The following COBL variants were observed in gnomAD, a reference collection of about 807,000 sequenced individuals.
COBL encodes cordon-bleu WH2 repeat protein, also known as protein cordon-bleu.
In COBL, 51 loss-of-function variants were observed where a neutral mutation model predicts 98.8. The ratio of observed to expected loss-of-function variants is 0.52; its 90% CI spans 0.41 to 0.65. COBL has a LOEUF of 0.65. COBL is among the 30% of genes least tolerant of loss of function. The probability of loss-of-function intolerance (pLI) is 0.00; values close to 1 mark genes in which losing one functional copy is unlikely to be tolerated. For missense variants in COBL, 1,617 were observed against 1,617.5 expected (o/e 1.00, Z 0.01); for synonymous variants, 634 against 651.7 (o/e 0.97, Z 0.41).
intron 1 of COBL, among the ~76,000 whole-genome samples, chr7:51,257,377 T>C (rs1035756504): frequency 1.3e-5 from 2 of 152,196 alleles, no homozygotes; most frequent in Admixed American, 6.5e-5. Context: ...GCCATTCTTC[T>C]GGTTTGGCTT....
At chr7:51,113,624 T>C (rs1413841309) in intron 6 of COBL, among the ~76,000 whole-genome samples, 1 of 152,212 alleles carries the variant, frequency 6.6e-6, no homozygotes, top group Non-Finnish European at 1.5e-5. Context: ...TAATTATTTC[T>C]ACCAAAACAA....
intron 1 of COBL, among the ~76,000 whole-genome samples, chr7:51,253,388 G>A (rs1168284111): frequency 6.6e-6 from 1 of 152,146 alleles, no homozygotes; most frequent in Non-Finnish European, 1.5e-5. Context: ...TCCTGGGTTT[G>A]TTTTGATGTA....
At position 51,029,280 on chromosome 7, in the gene COBL, C is replaced by T; in HGVS notation, c.1816G>A (p.Asp606Asn). 6.2e-7 allele frequency: 1 copy of T among 1,606,660 alleles called. No individual in the cohort carries two copies. The highest frequency in any genetic ancestry group is 8.5e-7 in the Non-Finnish European group (1 of 1,175,672). Residue 606 changes from aspartate (D) to asparagine (N), a missense_variant, in exon 10 of 13, where the codon GAC (aspartate) becomes AAC (asparagine). By Grantham distance (23) the Asp-to-Asn change is conservative. Transcript: ENST00000265136. ...GCCACACGGATTCCTTTTCCGACGTCATGGGAAGCGGGGTGCAGGGCAGGT... is the reference window on the plus strand; with the variant it reads ...GCCACACGGATTCCTTTTCCGACGTTATGGGAAGCGGGGTGCAGGGCAGGT... ...EVPALHPASH[D>N]VGKGIRVALS...
intron 1 of COBL, among the ~76,000 whole-genome samples, chr7:51,305,990 C>T (rs898228533): frequency 3.9e-5 from 6 of 152,054 alleles, no homozygotes; most frequent in African/African-American, 9.7e-5. Context: ...GAGCTGAGAT[C>T]GCATCACTGC....
chr7:51,261,540 A>C (rs1797718352), intron 1 of COBL, among the ~76,000 whole-genome samples: 1 of 152,232 alleles, frequency 6.6e-6, no homozygotes, highest in Non-Finnish European at 1.5e-5. Context: ...CTAAGAACAC[A>C]GCAGTGTGAT....
At chr7:51,165,172 C>T (rs1264021372) in intron 5 of COBL, among the ~76,000 whole-genome samples, 2 of 151,860 alleles carry the variant, frequency 1.3e-5, no homozygotes, top group Admixed American at 1.3e-4. Flanking sequence ...AAAAAACAGA[C>T]TGGCTGTATG....
chr7:51,074,852 C>T (rs1792906048), intron 7 of COBL, among the ~76,000 whole-genome samples: 1 of 152,082 alleles, frequency 6.6e-6, no homozygotes. Context: ...ATCAGTTTTA[C>T]TTATATAAAG....
chr7:51,240,939 G>A (rs2129122323), intron 1 of COBL, among the ~76,000 whole-genome samples: 1 of 152,304 alleles, frequency 6.6e-6, no homozygotes. Context: ...ACAGTTCCTA[G>A]CCTAGCAAGG....
chr7:51,145,793 C>T (rs1408639350), intron 5 of COBL, among the ~76,000 whole-genome samples: 4 of 152,236 alleles, frequency 2.6e-5, no homozygotes, highest in African/African-American at 9.6e-5. Flanking sequence ...CACGTCCTGG[C>T]CAACATTTGT....
intron 1 of COBL, among the ~76,000 whole-genome samples, chr7:51,267,936 T>C (rs1364557587): frequency 6.6e-6 from 1 of 152,202 alleles, no homozygotes; most frequent in Non-Finnish European, 1.5e-5. Context: ...ACTTCCTCCT[T>C]ATCCCAAATG....
chr7:51,099,510 C>T (rs1299529168), intron 6 of COBL, among the ~76,000 whole-genome samples: 2 of 152,084 alleles, frequency 1.3e-5, no homozygotes, highest in East Asian at 1.9e-4. Context: ...GACAAATAAT[C>T]GCATAATTCC....
intron 1 of COBL, among the ~76,000 whole-genome samples, chr7:51,294,156 T>C (rs1380038824): frequency 6.6e-6 from 1 of 150,606 alleles, no homozygotes; most frequent in Admixed American, 6.6e-5. Context: ...CCAGGCATGG[T>C]GGCACATGCC....
chr7:51,020,106 C>G (rs143364192), intron 12 of COBL, among the ~76,000 whole-genome samples: 1 of 152,320 alleles, frequency 6.6e-6, no homozygotes, highest in East Asian at 1.9e-4. Context: ...TTCAATAGGA[C>G]GTTTCCCAAA....
At chr7:51,206,407 G>T (rs1040301264) in intron 2 of COBL, among the ~76,000 whole-genome samples, 1 of 150,848 alleles carries the variant, frequency 6.6e-6, no homozygotes, top group African/African-American at 2.5e-5. Context: ...CAGGAGAATT[G>T]CTTGAACCCA....
At chr7:51,251,002 C>G (rs753676935) in intron 1 of COBL, among the ~76,000 whole-genome samples, 4 of 152,172 alleles carry the variant, frequency 2.6e-5, no homozygotes, top group Non-Finnish European at 5.9e-5. Context: ...CTTTAAATTA[C>G]TATTGAAAAT....
intron 7 of COBL, among the ~76,000 whole-genome samples, chr7:51,056,369 A>G (rs1374928480): frequency 6.7e-6 from 1 of 149,744 alleles, no homozygotes; most frequent in African/African-American, 2.5e-5. Flanking sequence ...AGGTGTCAAA[A>G]GGCTGTCAAA....
intron 2 of COBL, among the ~76,000 whole-genome samples, chr7:51,201,576 A>G (rs1452274445): frequency 1.3e-5 from 2 of 152,222 alleles, no homozygotes; most frequent in African/African-American, 2.4e-5. Flanking sequence ...AGATCAATCA[A>G]TAAGTAAACA....
At chr7:51,259,512 T>A (rs1239887553) in intron 1 of COBL, 1 of 654,804 alleles carries the variant, frequency 1.5e-6, no homozygotes, top group African/African-American at 1.8e-5. Flanking sequence ...ACCCACTCTA[T>A]TTGTGGTAGC....
chr7:51,052,838 G>T (rs1790369893), intron 7 of COBL, among the ~76,000 whole-genome samples: 1 of 152,150 alleles, frequency 6.6e-6, no homozygotes, highest in African/African-American at 2.4e-5. Flanking sequence ...GAACTCTAGA[G>T]AATAAAGTAT....
Sources: gnomAD v4.1 joint callset for allele counts (sites outside exome capture counted in the v4.1 genomes callset) on GRCh38, gnomAD v4.1.1 for gene constraint, MANE v1.5 for transcripts, NCBI Gene and HGNC (gene_info 2026-07-23, HGNC 2026-07-21) for gene names.